PLCB1: variants seen among roughly 807,000 people sequenced by gnomAD.
The protein encoded by PLCB1 is phospholipase C beta 1.
In PLCB1, 46 loss-of-function variants were observed where a neutral mutation model predicts 161.8. The observed-to-expected ratio is 0.28, with a 90% CI of 0.22 to 0.36. The LOEUF (loss-of-function observed/expected upper bound fraction) is 0.36. Among genes scored for constraint, PLCB1 ranks in the 10% least tolerant of loss-of-function variants. The pLI is 1.00. For missense variants in PLCB1, 1,016 were observed against 1,472.5 expected (o/e 0.69, Z 5.07); for synonymous variants, 517 against 503.7 (o/e 1.03, Z -0.35).
chr20:8,752,460 C>T (rs1407207103), intron 23 of PLCB1: 1 of 152,220 alleles, frequency 6.6e-6, no homozygotes, highest in Non-Finnish European at 1.5e-5. Context: ...ACAGCCACTT[C>T]TAATTGCAGT....
At chr20:8,655,646 G>A (rs976354112) in intron 7 of PLCB1, among the ~76,000 whole-genome samples, 24 of 151,992 alleles carry the variant, frequency 1.6e-4, no homozygotes, top group African/African-American at 3.9e-4. Context: ...TTATGTGTAC[G>A]TTGAGTGAAG....
chr20:8,446,941 T>C (rs1330863854), intron 3 of PLCB1, among the ~76,000 whole-genome samples: 1 of 152,222 alleles, frequency 6.6e-6, no homozygotes, highest in Non-Finnish European at 1.5e-5. Flanking sequence ...ATTAGTTTAC[T>C]GAATAATATC....
chr20:8,695,139 TC>T (rs2123422538), intron 10 of PLCB1, among the ~76,000 whole-genome samples: 1 of 152,320 alleles, frequency 6.6e-6, no homozygotes, highest in South Asian at 2.1e-4. Flanking sequence ...GTTGAAAACA[TC>T]CCATTTTTCC....
chr20:8,499,923 T>C (rs1180285664), intron 3 of PLCB1, among the ~76,000 whole-genome samples: 3 of 152,218 alleles, frequency 2.0e-5, no homozygotes, highest in Non-Finnish European at 2.9e-5. Flanking sequence ...TTCTAGTCTA[T>C]TAAACATTAG....
At chr20:8,339,478 G>A (rs946920213) in intron 2 of PLCB1, among the ~76,000 whole-genome samples, 1 of 152,188 alleles carries the variant, frequency 6.6e-6, no homozygotes, top group Non-Finnish European at 1.5e-5. Flanking sequence ...TCCCAGAACT[G>A]CTCCTCAGCC....
chr20:8,535,201 G>GTAA (rs1568497461), intron 3 of PLCB1, among the ~76,000 whole-genome samples: 1 of 44,382 alleles, frequency 2.3e-5, no homozygotes, highest in Non-Finnish European at 4.5e-5. Context: ...GAGTTTATGG[G>GTAA]CAAAAAAAAA....
chr20:8,757,069 A>G lies in PLCB1; in HGVS notation c.2547A>G (p.Ser849=), dbSNP rs995924752. The G allele has an allele frequency of 6.2e-7, 1 of 1,611,714 alleles. No homozygotes were observed. The highest frequency in any genetic ancestry group is 8.5e-7 in the Non-Finnish European group (1 of 1,178,458). The change falls in exon 24 of 32, where the codon TCA becomes TCG. Residue 849 remains serine (S), a synonymous_variant. Transcript: ENST00000338037. ...KKEADPGETP[S]EAPSEARTTP... ...AGGCTGATCCTGGAGAAACACCATC[A>G]GAGGCTCCAAGTGAAGCGAGAACGA...
chr20:8,229,708 A>G (rs564948447), intron 2 of PLCB1, among the ~76,000 whole-genome samples: 130 of 151,750 alleles, frequency 8.6e-4, no homozygotes, highest in African/African-American at 2.9e-3. Context: ...TTCTTACTTC[A>G]CATGAGAGCT....
At chr20:8,799,193 A>C (rs1317036408) in intron 31 of PLCB1, among the ~76,000 whole-genome samples, 3 of 152,106 alleles carry the variant, frequency 2.0e-5, no homozygotes, top group Non-Finnish European at 4.4e-5. Flanking sequence ...GAAAATGTGG[A>C]CATATGGTGA....
intron 3 of PLCB1, among the ~76,000 whole-genome samples, chr20:8,465,445 A>C (rs1485851278): frequency 6.6e-6 from 1 of 152,098 alleles, no homozygotes; most frequent in Admixed American, 6.6e-5. Context: ...ATTTATTGCC[A>C]GTTACAGCTT....
intron 2 of PLCB1, among the ~76,000 whole-genome samples, chr20:8,203,142 G>A (rs776986233): frequency 5.3e-5 from 8 of 152,002 alleles, no homozygotes; most frequent in Admixed American, 2.6e-4. Flanking sequence ...GTGGCATGGA[G>A]GATCATTTGG....
At chr20:8,469,223 C>T (rs1568688015) in intron 3 of PLCB1, among the ~76,000 whole-genome samples, 1 of 152,126 alleles carries the variant, frequency 6.6e-6, no homozygotes, top group Non-Finnish European at 1.5e-5. Flanking sequence ...GGTTTATATC[C>T]TGAGAACACC....
intron 2 of PLCB1, among the ~76,000 whole-genome samples, chr20:8,286,434 C>G (rs62195912): frequency 6.6e-6 from 1 of 152,132 alleles, no homozygotes; most frequent in African/African-American, 2.4e-5. Flanking sequence ...AATGATATTT[C>G]CATGTTATTC....
chr20:8,313,346 G>C (rs140544350), intron 2 of PLCB1, among the ~76,000 whole-genome samples: 181 of 152,186 alleles, frequency 1.2e-3, no homozygotes, highest in African/African-American at 4.2e-3. Context: ...AGACAATGAA[G>C]CTACATGGTT....
chr20:8,358,288 G>A (rs139279320), intron 2 of PLCB1, among the ~76,000 whole-genome samples: 2,561 of 152,024 alleles, frequency 0.017, 57 homozygotes, highest in East Asian at 0.12. Flanking sequence ...TCACTCTGTC[G>A]CCCAGGCTGG....
At chr20:8,259,277 T>C (rs6086379) in intron 2 of PLCB1, among the ~76,000 whole-genome samples, 33,524 of 152,116 alleles carry the variant, frequency 0.22, 4,151 homozygotes, top group Non-Finnish European at 0.28. Flanking sequence ...TTTGTGTGTA[T>C]AGGAGTAGGG....
At chr20:8,734,066 T>G (rs149747087) in intron 19 of PLCB1, among the ~76,000 whole-genome samples, 3,715 of 131,042 alleles carry the variant, frequency 0.028, 74 homozygotes, top group South Asian at 0.04. Context: ...AGGTGGAGCT[T>G]GCAGAGAGCC....
At chr20:8,540,584 G>A (rs1172636130) in intron 3 of PLCB1, among the ~76,000 whole-genome samples, 2 of 152,094 alleles carry the variant, frequency 1.3e-5, no homozygotes, top group African/African-American at 4.8e-5. Context: ...ACTTAGAGCA[G>A]CCAGACAACT....
intron 2 of PLCB1, among the ~76,000 whole-genome samples, chr20:8,193,897 G>A (rs1369134922): frequency 6.6e-6 from 1 of 151,980 alleles, no homozygotes; most frequent in Admixed American, 6.6e-5. Context: ...GATCTGTTAA[G>A]CTATGAGGGT....
Sources: allele counts gnomAD v4.1 joint callset (sites outside exome capture counted in the v4.1 genomes callset), GRCh38; gene constraint gnomAD v4.1.1; transcripts MANE v1.5; gene names NCBI Gene and HGNC (gene_info 2026-07-23, HGNC 2026-07-21).